PHACTR1: variants seen among roughly 807,000 people sequenced by gnomAD.
PHACTR1 encodes phosphatase and actin regulator 1, also known as RPEL repeat containing 1.
In PHACTR1, 16 loss-of-function variants were observed where a neutral mutation model predicts 69.2. That is an observed-to-expected ratio of 0.23 (90% CI 0.16 to 0.35). The LOEUF (loss-of-function observed/expected upper bound fraction) is 0.35, where lower values mean the gene tolerates loss of function less well. Ranked by LOEUF, PHACTR1 falls within the 10% of genes least tolerant of loss-of-function variation. The probability of loss-of-function intolerance (pLI) is 1.00; values close to 1 mark genes in which losing one functional copy is unlikely to be tolerated. For missense variants in PHACTR1, 510 were observed against 734.7 expected (o/e 0.69, Z 3.54); for synonymous variants, 312 against 284.5 (o/e 1.10, Z -0.97).
intron 5 of PHACTR1, among the ~76,000 whole-genome samples, chr6:13,128,342 A>G (rs1478337034): frequency 6.6e-6 from 1 of 150,526 alleles, no homozygotes; most frequent in East Asian, 2.0e-4. Context: ...AATTATTAAT[A>G]TTAAGCTACT....
chr6:12,730,991 TTTATTTA>T (rs1468208537), intron 3 of PHACTR1, among the ~76,000 whole-genome samples: 1 of 114,146 alleles, frequency 8.8e-6, no homozygotes, highest in African/African-American at 3.5e-5. Flanking sequence ...ACCTTTTTTA[TTTATTTA>T]TTTATTTATT....
At chr6:13,009,557 C>T (rs977272911) in intron 4 of PHACTR1, among the ~76,000 whole-genome samples, 1 of 151,832 alleles carries the variant, frequency 6.6e-6, no homozygotes, top group Non-Finnish European at 1.5e-5. Flanking sequence ...AAATTTCTAC[C>T]CTTAATTTTG....
intron 7 of PHACTR1, among the ~76,000 whole-genome samples, chr6:13,196,106 G>A (rs967947543): frequency 1.6e-4 from 25 of 152,308 alleles, no homozygotes; most frequent in African/African-American, 6.0e-4. Context: ...AAATAAGTCA[G>A]CAAGCAGAGA....
chr6:13,125,568 T>G (rs1283555332), intron 5 of PHACTR1, among the ~76,000 whole-genome samples: 1 of 152,204 alleles, frequency 6.6e-6, no homozygotes, highest in Non-Finnish European at 1.5e-5. Context: ...TCTTAAAAAT[T>G]CATAAAAAAT....
intron 4 of PHACTR1, among the ~76,000 whole-genome samples, chr6:12,999,859 A>G (rs1246694664): frequency 6.6e-6 from 1 of 152,234 alleles, no homozygotes; most frequent in African/African-American, 2.4e-5. Context: ...ATTCCTTTAC[A>G]TTATTTTTGA....
At chr6:13,049,789 T>C (rs1805641501) in intron 4 of PHACTR1, among the ~76,000 whole-genome samples, 1 of 152,232 alleles carries the variant, frequency 6.6e-6, no homozygotes. Context: ...AAGTGATTCT[T>C]GGCCTTGTCT....
intron 3 of PHACTR1, among the ~76,000 whole-genome samples, chr6:12,729,897 G>C (rs991351814): frequency 1.3e-5 from 2 of 152,156 alleles, no homozygotes; most frequent in Admixed American, 6.5e-5. Flanking sequence ...CAGAGAGTGA[G>C]AGAGAGGTTC....
At chr6:12,987,254 A>C (rs1179084136) in intron 4 of PHACTR1, among the ~76,000 whole-genome samples, 1 of 152,180 alleles carries the variant, frequency 6.6e-6, no homozygotes, top group African/African-American at 2.4e-5. Flanking sequence ...CCATTGAAAA[A>C]CACTTAGAGA....
intron 4 of PHACTR1, among the ~76,000 whole-genome samples, chr6:12,901,859 TAGAC>T (rs1203100241): frequency 1.3e-5 from 2 of 152,136 alleles, no homozygotes; most frequent in African/African-American, 4.8e-5. Flanking sequence ...TCAACCACCT[TAGAC>T]AGCCTGGAAT....
chr6:12,790,146 G>A (rs1471284004), intron 4 of PHACTR1, among the ~76,000 whole-genome samples: 2 of 152,044 alleles, frequency 1.3e-5, no homozygotes, highest in African/African-American at 4.8e-5. Flanking sequence ...TGAAAGGCAG[G>A]TCATATCATT....
At chr6:13,195,888 A>G (rs1448104577) in intron 7 of PHACTR1, among the ~76,000 whole-genome samples, 1 of 151,728 alleles carries the variant, frequency 6.6e-6, no homozygotes, top group Non-Finnish European at 1.5e-5. Context: ...TTTAGAAGTC[A>G]TCTTTGCTTT....
At chr6:13,055,152 A>G (rs773321693) in intron 5 of PHACTR1, among the ~76,000 whole-genome samples, 3 of 152,208 alleles carry the variant, frequency 2.0e-5, no homozygotes, top group African/African-American at 7.2e-5. Context: ...TCTTAGATGG[A>G]AGCCCCACCA....
chr6:12,838,195 G>A lies in PHACTR1; in HGVS notation c.250+88405G>A, dbSNP rs560477121. ...CCCGTCCCCGTGGCTATAACATACC[G>A]AGTAAAAACAAGTCACAGTTCCTGC... On this transcript the variant is annotated intron_variant, in intron 4 of 14. Transcript: ENST00000332995. 5.9e-5 allele frequency among the ~76,000 whole-genome samples: 9 copies of A among 152,294 alleles called. No individual in the cohort carries two copies. In the East Asian group the frequency reaches 1.5e-3, roughly 26 times the overall value.
At chr6:13,152,147 A>G (rs1824408320) in intron 5 of PHACTR1, among the ~76,000 whole-genome samples, 1 of 152,140 alleles carries the variant, frequency 6.6e-6, no homozygotes, top group Non-Finnish European at 1.5e-5. Context: ...AGCCTAGCCA[A>G]CATGGTGAAA....
chr6:13,199,738 A>T (rs1371340968), intron 7 of PHACTR1, among the ~76,000 whole-genome samples: 1 of 152,210 alleles, frequency 6.6e-6, no homozygotes, highest in Non-Finnish European at 1.5e-5. Context: ...GACAAGATAT[A>T]GATAGAAATA....
chr6:12,925,928 C>T (rs183763362), intron 4 of PHACTR1, among the ~76,000 whole-genome samples: 193 of 152,318 alleles, frequency 1.3e-3, no homozygotes, highest in African/African-American at 4.6e-3. Flanking sequence ...TAACATGAAC[C>T]CTGCCTGGCC....
intron 4 of PHACTR1, among the ~76,000 whole-genome samples, chr6:12,785,283 T>C (rs149627342): frequency 1.4e-3 from 219 of 152,310 alleles, no homozygotes; most frequent in Non-Finnish European, 2.7e-3. Context: ...TTTTGTATTG[T>C]CATAGAAAAG....
chr6:12,876,968 A>G (rs1439569954), intron 4 of PHACTR1, among the ~76,000 whole-genome samples: 2 of 152,204 alleles, frequency 1.3e-5, no homozygotes, highest in African/African-American at 4.8e-5. Flanking sequence ...GTTGTGCAGG[A>G]AATAAAGAGG....
chr6:13,134,343 G>C (rs1488215365), intron 5 of PHACTR1, among the ~76,000 whole-genome samples: 11 of 152,342 alleles, frequency 7.2e-5, no homozygotes, highest in African/African-American at 2.6e-4. Context: ...CGGTTTTGTC[G>C]AGTGGAAGGT....
Sources: gnomAD v4.1 joint callset for allele counts (sites outside exome capture counted in the v4.1 genomes callset) on GRCh38, gnomAD v4.1.1 for gene constraint, MANE v1.5 for transcripts, NCBI Gene and HGNC (gene_info 2026-07-23, HGNC 2026-07-21) for gene names.